The following COLEC12 variants were observed in gnomAD, a reference collection of about 807,000 sequenced individuals.
The protein encoded by COLEC12 is collectin subfamily member 12.
COLEC12 carries 33 observed loss-of-function variants against 71.1 expected under a neutral mutation model. That is an observed-to-expected ratio of 0.46 (90% CI 0.35 to 0.62). The LOEUF is 0.62. Among genes scored for constraint, COLEC12 ranks in the 20% least tolerant of loss-of-function variants. COLEC12 has a pLI of 0.00. For missense variants in COLEC12, 765 were observed against 916.1 expected, an observed-to-expected ratio of 0.84 and a Z score of 2.13; for synonymous variants, 350 against 353.0, an observed-to-expected ratio of 0.99 and a Z score of 0.10.
In COLEC12 at chr18:428,316, A is replaced by G. The variant is rs1163717383; in HGVS notation, c.58+52391T>C. 2.6e-5 allele frequency among the ~76,000 whole-genome samples: 4 copies of G among 152,316 alleles called. No homozygotes were observed. The East Asian group carries it at 5.8e-4, about 22-fold the overall frequency. On this transcript the variant is annotated intron_variant, in intron 2 of 9. Transcript: ENST00000400256. ...CCAATATTGATTCAGTGTTTACCACAGGCCTTGCCTTGTTCTATGCACTGG... is the reference window on the plus strand; with the variant it reads ...CCAATATTGATTCAGTGTTTACCACGGGCCTTGCCTTGTTCTATGCACTGG...
chr18:500,474 C>G lies in COLEC12; in HGVS notation c.7+34G>C. 3 of 1,225,628 alleles carry G rather than the reference C, an allele frequency of 2.4e-6. No homozygotes were observed. The highest frequency in any genetic ancestry group is 3.1e-6 in the Non-Finnish European group (3 of 983,346). The allele number at this position is 1,225,628 out of a possible 1,614,324, so 75.9% of individuals were successfully genotyped here. ...CGCGCGCCCCGAAGCCCGTTCCCCCCGCCCAGAGCCCCGCGGAGCTGCCGC... is the reference window on the plus strand; with the variant it reads ...CGCGCGCCCCGAAGCCCGTTCCCCCGGCCCAGAGCCCCGCGGAGCTGCCGC... On this transcript the variant is annotated intron_variant, in intron 1 of 9. Coordinates refer to ENST00000400256, the MANE Select transcript of COLEC12 (RefSeq NM_130386.3). The surrounding 1 kb of genome is among the most constrained non-coding windows in gnomAD (Gnocchi z 5.3).
Position 331,713 on chromosome 18 carries a change from C to G in COLEC12, c.2018G>C (p.Arg673Pro), listed in dbSNP as rs373227938. Residue 673 changes from arginine to proline, a missense_variant, in exon 8 of 10, where the codon CGT becomes CCT. By Grantham distance (103) the Arg-to-Pro change is moderately radical. Transcript: ENST00000400256. ...SHWIGLTDSERENEWKWLDGT... is the reference protein window; with the variant it reads ...SHWIGLTDSEPENEWKWLDGT... ...ATCCAGCCACTTCCATTCATTTTCA[C>G]GCTCTGAGTCTGTGAGGCCGATCCA... 1 of 1,613,944 alleles carries G rather than the reference C, an allele frequency of 6.2e-7. No individual in the cohort carries two copies. The highest frequency in any genetic ancestry group is 1.7e-5 in the Admixed American group (1 of 60,018).
chr18:354,136 C>G (rs1045793622), intron 3 of COLEC12, among the ~76,000 whole-genome samples: 1 of 152,162 alleles, frequency 6.6e-6, no homozygotes, highest in Non-Finnish European at 1.5e-5. Context: ...CTGGAAGAAA[C>G]ATGACACATT....
intron 2 of COLEC12, among the ~76,000 whole-genome samples, chr18:396,377 C>T (rs1472449768): frequency 6.6e-6 from 1 of 152,246 alleles, no homozygotes; most frequent in Non-Finnish European, 1.5e-5. Flanking sequence ...CTCCTCTCCA[C>T]CATCCAATCT....
intron 2 of COLEC12, among the ~76,000 whole-genome samples, chr18:387,970 T>C (rs9958850): frequency 0.031 from 4,303 of 139,952 alleles, 203 homozygotes; most frequent in African/African-American, 0.1. Flanking sequence ...AATTAATGCA[T>C]GGGGAAGGGA....
intron 2 of COLEC12, among the ~76,000 whole-genome samples, chr18:360,334 G>A (rs375908238): frequency 4.6e-5 from 7 of 151,728 alleles, no homozygotes; most frequent in Non-Finnish European, 1.0e-4. Flanking sequence ...AGGTGCCCAC[G>A]ACCACACACG....
At chr18:361,032 G>C (rs1050817934) in intron 2 of COLEC12, among the ~76,000 whole-genome samples, 47 of 152,152 alleles carry the variant, frequency 3.1e-4, no homozygotes, top group African/African-American at 1.1e-3. Flanking sequence ...CAATCCCTCA[G>C]GTGGTTAAAC....
chr18:414,112 T>C (rs986090548), intron 2 of COLEC12, among the ~76,000 whole-genome samples: 2 of 152,198 alleles, frequency 1.3e-5, no homozygotes, highest in Non-Finnish European at 1.5e-5. Context: ...TACAGTTTTG[T>C]AAGATGTTAC....
intron 1 of COLEC12, among the ~76,000 whole-genome samples, chr18:499,343 G>A (rs555302109): frequency 6.6e-6 from 1 of 152,310 alleles, no homozygotes; most frequent in Admixed American, 6.5e-5. Flanking sequence ...GACACCTAAC[G>A]CCCTTGGAAA....
intron 2 of COLEC12, among the ~76,000 whole-genome samples, chr18:418,973 C>G (rs540322699): frequency 6.6e-6 from 1 of 152,162 alleles, no homozygotes; most frequent in Admixed American, 6.5e-5. Flanking sequence ...GATCAGGACC[C>G]CTTTCCTTTA....
intron 2 of COLEC12, among the ~76,000 whole-genome samples, chr18:389,041 A>C (rs1257986979): frequency 6.6e-6 from 1 of 152,312 alleles, no homozygotes; most frequent in East Asian, 1.9e-4. Flanking sequence ...AATTCAGTGA[A>C]TAATATTAAC....
At chr18:406,950 G>C (rs4643413) in intron 2 of COLEC12, among the ~76,000 whole-genome samples, 1 of 152,222 alleles carries the variant, frequency 6.6e-6, no homozygotes, top group Admixed American at 6.5e-5. Context: ...TCACTCCCTA[G>C]GCTGCTCTTC....
At chr18:336,752 C>T (rs150824814) in intron 5 of COLEC12, among the ~76,000 whole-genome samples, 2 of 152,248 alleles carry the variant, frequency 1.3e-5, no homozygotes, top group East Asian at 3.9e-4. Flanking sequence ...CTCAGGTCTT[C>T]TGATGTTGAA....
intron 8 of COLEC12, among the ~76,000 whole-genome samples, chr18:326,323 A>G (rs1473633599): frequency 1.3e-5 from 2 of 152,252 alleles, no homozygotes; most frequent in African/African-American, 4.8e-5. Flanking sequence ...GTCAGAAAAC[A>G]TACTCTATAT....
At chr18:328,358 A>T (rs1263771013) in intron 8 of COLEC12, among the ~76,000 whole-genome samples, 1 of 151,826 alleles carries the variant, frequency 6.6e-6, no homozygotes, top group Non-Finnish European at 1.5e-5. Flanking sequence ...CTGGTAGGAG[A>T]CCCTTGAGAG....
At chr18:457,159 G>C (rs1034763851) in intron 2 of COLEC12, among the ~76,000 whole-genome samples, 2 of 152,134 alleles carry the variant, frequency 1.3e-5, no homozygotes, top group South Asian at 4.1e-4. Context: ...GAGGCCTGCC[G>C]ATCTGCTGAC....
In COLEC12 at chr18:366,682, G is replaced by A. The variant is rs912304014; in HGVS notation, c.59-9160C>T. 4.6e-5 allele frequency among the ~76,000 whole-genome samples: 7 copies of A among 152,172 alleles called. No homozygotes were observed. In the East Asian group the frequency reaches 5.8e-4, roughly 13 times the overall value. On this transcript the variant is annotated intron_variant, in intron 2 of 9. Coordinates refer to ENST00000400256, the MANE Select transcript of COLEC12 (RefSeq NM_130386.3). The stretch of plus-strand genomic sequence containing the variant: ...AAAGGCATGACTGGAGTACAGATCC[G>A]GGCAGTGGGAAGTGGGCCCTCGCTT...
At chr18:396,589 G>A (rs778854426) in intron 2 of COLEC12, among the ~76,000 whole-genome samples, 11 of 152,202 alleles carry the variant, frequency 7.2e-5, no homozygotes, top group Non-Finnish European at 1.2e-4. Flanking sequence ...GCTCTATTCT[G>A]CCAAAATTTA....
intron 6 of COLEC12, chr18:334,439 C>T (rs1004018990): frequency 5.2e-6 from 1 of 192,166 alleles, no homozygotes. Context: ...ACCAGCCTGG[C>T]CAACACGGTG....
Sources: gnomAD v4.1 joint callset for allele counts (sites outside exome capture counted in the v4.1 genomes callset) on GRCh38, gnomAD v4.1.1 for gene constraint, Gnocchi (gnomAD v3.1) non-coding constraint, MANE v1.5 for transcripts, NCBI Gene and HGNC (gene_info 2026-07-23, HGNC 2026-07-21) for gene names.